CD244: variants seen among roughly 807,000 people sequenced by gnomAD.
CD244 encodes CD244 molecule.
A neutral mutation model predicts 45.5 loss-of-function variants in CD244; 20 were observed. The observed-to-expected ratio is 0.44, with a 90% CI of 0.31 to 0.64. The LOEUF is 0.64. CD244 is among the 30% of genes least tolerant of loss of function. The pLI, the probability that CD244 is intolerant of heterozygous loss-of-function variation, is 0.08. For synonymous variants in CD244, 185 were observed against 160.5 expected, an observed-to-expected ratio of 1.15 and a Z score of -1.15; for missense variants, 407 against 426.9, an observed-to-expected ratio of 0.95 and a Z score of 0.41.
intron 1 of CD244, among the ~76,000 whole-genome samples, chr1:160,855,044 T>C (rs1172947973): frequency 2.0e-5 from 3 of 152,166 alleles, no homozygotes; most frequent in Non-Finnish European, 4.4e-5. Flanking sequence ...GCAAGAACAC[T>C]CTTGCCCTCA....
intron 1 of CD244, among the ~76,000 whole-genome samples, chr1:160,845,978 T>A (rs940600387): frequency 1.3e-5 from 2 of 151,634 alleles, no homozygotes; most frequent in East Asian, 3.8e-4. Flanking sequence ...GGGGGAAAAC[T>A]AAATTCCCTT....
intron 6 of CD244, among the ~76,000 whole-genome samples, chr1:160,834,674 C>G (rs1029297985): frequency 6.6e-6 from 1 of 152,174 alleles, no homozygotes; most frequent in African/African-American, 2.4e-5. Context: ...TTTTAACACT[C>G]CTATAAAATA....
At chr1:160,844,381 A>G (rs912893519) in intron 1 of CD244, among the ~76,000 whole-genome samples, 4 of 152,214 alleles carry the variant, frequency 2.6e-5, no homozygotes, top group African/African-American at 7.2e-5. Flanking sequence ...TCAGCAGAGA[A>G]CTAGCGTGAT....
intron 1 of CD244, chr1:160,848,185 A>T (rs1669801204): frequency 1.2e-5 from 6 of 518,914 alleles, no homozygotes; most frequent in Non-Finnish European, 2.3e-5. Flanking sequence ...TTATTGCAGA[A>T]TTTATGTGCC....
chr1:160,853,409 G>A (rs998858336), intron 1 of CD244, among the ~76,000 whole-genome samples: 1 of 152,164 alleles, frequency 6.6e-6, no homozygotes, highest in Non-Finnish European at 1.5e-5. Context: ...ATGACTGGGT[G>A]CTAGAAATGT....
At chr1:160,837,438 A>G (rs892393257) in intron 5 of CD244, among the ~76,000 whole-genome samples, 1 of 152,186 alleles carries the variant, frequency 6.6e-6, no homozygotes, top group African/African-American at 2.4e-5. Flanking sequence ...TCCAATAGCC[A>G]CTGCTTTATT....
chr1:160,849,304 C>CTTTTTTTTTTTTTTTTTTTTTTTTTT (rs1557840584), intron 1 of CD244, among the ~76,000 whole-genome samples: 2 of 108,472 alleles, frequency 1.8e-5, no homozygotes, highest in Admixed American at 8.8e-5. Flanking sequence ...TTTTGTTTTA[C>CTTTTTTTTTTTTTTTTTTTTTTTTTT]TTTAAGTTCT....
rs1263378606 is a variant in CD244 at position 160,838,465 on chromosome 1, T to C, written c.820A>G (p.Thr274Ala). The change falls in exon 5 of 9, where the codon ACC becomes GCC. Residue 274 changes from threonine (T) to alanine (A), a missense_variant. Physicochemically the swap from Thr to Ala is moderately conservative, Grantham distance 58. Transcript: ENST00000368034. ...TIYEDVKDLK[T>A]RRNHEQEQTF... Reference sequence around the variant, plus strand: ...GGATGACATACGTGATTTCTCCTGGTTTTCAGATCCTTGACATCTTCGTAA... The same window carrying C: ...GGATGACATACGTGATTTCTCCTGGCTTTCAGATCCTTGACATCTTCGTAA... 7 of 1,613,222 alleles carry C rather than the reference T, an allele frequency of 4.3e-6. No homozygotes were observed. Among genetic ancestry groups the C allele is most frequent in the South Asian group, 2.2e-5 (2 of 91,050 alleles).
intron 1 of CD244, among the ~76,000 whole-genome samples, chr1:160,857,575 G>A (rs1670155443): frequency 1.3e-5 from 2 of 152,202 alleles, no homozygotes; most frequent in South Asian, 4.1e-4. Flanking sequence ...ACAAATCTGT[G>A]ATGTTAGAAG....
chr1:160,833,863 G>C (rs1219096641), intron 7 of CD244, among the ~76,000 whole-genome samples, 188 bp downstream of exon 7: 2 of 152,108 alleles, frequency 1.3e-5, no homozygotes, highest in Non-Finnish European at 2.9e-5. Context: ...TTTTTCTCCA[G>C]ACAGAACCAG....
At chr1:160,855,794 G>A (rs1330109854) in intron 1 of CD244, among the ~76,000 whole-genome samples, 1 of 152,164 alleles carries the variant, frequency 6.6e-6, no homozygotes, top group African/African-American at 2.4e-5. Flanking sequence ...GGAGGGCAGA[G>A]GGCAGATGAT....
intron 8 of CD244, among the ~76,000 whole-genome samples, chr1:160,832,073 T>A (rs1669145608): frequency 6.6e-6 from 1 of 152,102 alleles, no homozygotes; most frequent in Non-Finnish European, 1.5e-5. Flanking sequence ...GGCTCAGTGG[T>A]CATCTCTGAA....
intron 3 of CD244, among the ~76,000 whole-genome samples, chr1:160,839,954 A>G (rs2101870083): frequency 6.6e-6 from 1 of 152,298 alleles, no homozygotes; most frequent in African/African-American, 2.4e-5. Context: ...CCAGCCAACA[A>G]GAGGAAGGAA....
At chr1:160,848,733 C>T (rs1188224443) in intron 1 of CD244, among the ~76,000 whole-genome samples, 1 of 150,888 alleles carries the variant, frequency 6.6e-6, no homozygotes, top group African/African-American at 2.5e-5. Flanking sequence ...GAGGACTGGG[C>T]TTGGAGAGCC....
At position 160,841,463 on chromosome 1, in the gene CD244, T is replaced by C. The variant is rs752048374; in HGVS notation, c.402A>G (p.Leu134=). ...TGTCCAGGATCTTCCCCTGCCCCTG[T>C]AGGCGGGGTTTCTCAACTTTATCTG... ...FVFDKVEKPR[L]QGQGKILDRG... Residue 134 remains leucine, a synonymous_variant, in exon 3 of 9, where the codon CTA becomes CTG. Coordinates refer to ENST00000368034, the MANE Select transcript of CD244 (RefSeq NM_016382.4). 6.2e-7 allele frequency: 1 copy of C among 1,614,044 alleles called. No homozygotes were observed. The highest frequency in any genetic ancestry group is 2.2e-5 in the East Asian group (1 of 44,892).
chr1:160,840,099 G>A (rs1669481313), intron 3 of CD244, among the ~76,000 whole-genome samples: 3 of 151,912 alleles, frequency 2.0e-5, no homozygotes, highest in Middle Eastern at 3.4e-3. Flanking sequence ...GGCTCAGAGA[G>A]GTTAATGAAT....
intron 7 of CD244, among the ~76,000 whole-genome samples, chr1:160,832,945 GCACACACACA>G (rs1557829484): frequency 3.2e-4 from 47 of 146,392 alleles, no homozygotes; most frequent in Admixed American, 1.4e-4. Context: ...CATTCCCAGA[GCACACACACA>G]TACACATACA....
intron 1 of CD244, among the ~76,000 whole-genome samples, chr1:160,857,409 A>C (rs1306636212): frequency 2.0e-5 from 3 of 152,240 alleles, no homozygotes; most frequent in Non-Finnish European, 2.9e-5. Context: ...ATAATAGAAA[A>C]GGTGAATAAA....
In CD244 at chr1:160,860,112, C is replaced by G. The variant is rs182793504; in HGVS notation, c.61+2505G>C. On this transcript the variant is annotated intron_variant, in intron 1 of 8. Transcript: ENST00000368034. ...GTCCCAGCTACTCGGGAGGCTGAGGCAGGACAATCACTTGAACCCGGGGGA... is the reference window on the plus strand; with the variant it reads ...GTCCCAGCTACTCGGGAGGCTGAGGGAGGACAATCACTTGAACCCGGGGGA... Among the ~76,000 whole-genome samples the G allele has an allele frequency of 4.3e-3, 660 of 152,174 alleles. 9 individuals are homozygous for G. Among genetic ancestry groups the G allele is most frequent in the African/African-American group, 0.015 (616 of 41,514 alleles).
Sources: gnomAD v4.1 joint callset for allele counts (sites outside exome capture counted in the v4.1 genomes callset) on GRCh38, gnomAD v4.1.1 for gene constraint, MANE v1.5 for transcripts, NCBI Gene and HGNC (gene_info 2026-07-23, HGNC 2026-07-21) for gene names.